The following SCAMP1 variants were observed in gnomAD, a reference collection of about 807,000 sequenced individuals.
SCAMP1 encodes the protein secretory carrier-associated membrane protein 1.
Under a neutral mutation model 41.8 loss-of-function variants are expected in SCAMP1, and 15 were observed. That is an observed-to-expected ratio of 0.36 (90% CI 0.24 to 0.55). The LOEUF is 0.55. SCAMP1 is among the 20% of genes least tolerant of loss of function. The probability of loss-of-function intolerance (pLI) is 0.86; values close to 1 mark genes in which losing one functional copy is unlikely to be tolerated. For missense variants in SCAMP1, 341 were observed against 412.6 expected, an observed-to-expected ratio of 0.83 and a Z score of 1.50; for synonymous variants, 135 against 136.8, an observed-to-expected ratio of 0.99 and a Z score of 0.09.
At chr5:78,385,382 T>A (rs918978206) in intron 1 of SCAMP1, among the ~76,000 whole-genome samples, 4 of 152,180 alleles carry the variant, frequency 2.6e-5, no homozygotes, top group African/African-American at 9.6e-5. Flanking sequence ...GTTTTATTTC[T>A]CATTTCAAAG....
At chr5:78,406,324 A>G (rs888521859) in intron 2 of SCAMP1, among the ~76,000 whole-genome samples, 2 of 152,196 alleles carry the variant, frequency 1.3e-5, no homozygotes, top group Non-Finnish European at 2.9e-5. Context: ...GTCTGTGAAT[A>G]TAAATTAAGT....
chr5:78,388,574 T>G (rs1751405317), intron 1 of SCAMP1, among the ~76,000 whole-genome samples: 2 of 152,242 alleles, frequency 1.3e-5, no homozygotes, highest in South Asian at 4.1e-4. Context: ...TAAGAGGTGG[T>G]CTACTTTTTA....
Position 78,360,689 on chromosome 5 carries a change from T to C in SCAMP1, c.18T>C (p.Ser6=). ...CCAGAGAGATGTCGGATTTCGACAG[T>C]AACCCGTTTGCCGACCCGGATCTCA... MSDFD[S]NPFADPDLNN... The change falls in exon 1 of 9, where the codon AGT becomes AGC. Residue 6 remains serine (S), a synonymous_variant. Transcript: ENST00000621999. 3.1e-6 allele frequency: 5 copies of C among 1,610,744 alleles called. No homozygotes were observed. The highest frequency in any genetic ancestry group is 4.2e-6 in the Non-Finnish European group (5 of 1,178,680).
At chr5:78,429,127 A>C (rs1421648209) in intron 6 of SCAMP1, among the ~76,000 whole-genome samples, 1 of 152,102 alleles carries the variant, frequency 6.6e-6, no homozygotes, top group East Asian at 1.9e-4. Context: ...TCTTTAATCA[A>C]TCCACCTTCC....
chr5:78,458,787 G>A (rs1375714654), intron 7 of SCAMP1, among the ~76,000 whole-genome samples: 1 of 152,150 alleles, frequency 6.6e-6, no homozygotes, highest in Non-Finnish European at 1.5e-5. Context: ...GGCTGAGGTA[G>A]GAGAATCGCT....
rs1753490424 is a variant in SCAMP1 at position 78,458,425 on chromosome 5, CCTCT to C, written c.735-819_735-816del. 3.9e-5 allele frequency among the ~76,000 whole-genome samples: 6 copies of C among 152,134 alleles called. No individual in the cohort carries two copies. The South Asian group carries it at 1.0e-3, about 26-fold the overall frequency. ...ATGTGCTTATTTGTCGTCTTTATGTCCTCTTAGTAAAATGTCTCTGCATGTCTTT... is the reference window on the plus strand; with the variant it reads ...ATGTGCTTATTTGTCGTCTTTATGTCTAGTAAAATGTCTCTGCATGTCTTT... On this transcript the variant is annotated intron_variant, in intron 7 of 8. Transcript: ENST00000621999.
In SCAMP1 at chr5:78,453,025, TG is replaced by T. The variant is rs879611690; in HGVS notation, c.734+2995del. 8.3e-3 allele frequency among the ~76,000 whole-genome samples: 1,223 copies of T among 147,652 alleles called. 1 individual carries two copies. The highest frequency in any genetic ancestry group is 0.025 in the Middle Eastern group (7 of 282). ...TTCATGTCCTTCGCCCACTTTTTGA[TG>T]GGGTTGTTTGTTTTTTTCTTGTAAA... On this transcript the variant is annotated intron_variant, in intron 7 of 8. Coordinates refer to ENST00000621999, the MANE Select transcript of SCAMP1 (RefSeq NM_004866.6).
intron 1 of SCAMP1, among the ~76,000 whole-genome samples, chr5:78,369,232 G>T (rs1386444783): frequency 3.3e-5 from 5 of 151,602 alleles, no homozygotes; most frequent in African/African-American, 1.2e-4. Flanking sequence ...TTAGCCTCCC[G>T]AGTAGCTGGG....
At chr5:78,431,534 CTTT>C (rs11380148) in intron 6 of SCAMP1, among the ~76,000 whole-genome samples, 3 of 121,244 alleles carry the variant, frequency 2.5e-5, no homozygotes, top group Non-Finnish European at 5.1e-5. Flanking sequence ...TTCTTTTTGC[CTTT>C]TTTTTTTTTT....
chr5:78,369,854 C>T (rs753695518), intron 1 of SCAMP1, among the ~76,000 whole-genome samples: 3 of 152,216 alleles, frequency 2.0e-5, no homozygotes, highest in Non-Finnish European at 4.4e-5. Flanking sequence ...CTCATGGTAG[C>T]TTACACATTT....
intron 6 of SCAMP1, among the ~76,000 whole-genome samples, chr5:78,434,928 G>A (rs1752711352): frequency 6.6e-6 from 1 of 152,138 alleles, no homozygotes; most frequent in African/African-American, 2.4e-5. Flanking sequence ...TGGATTCTGT[G>A]TGTATTCTAT....
chr5:78,377,800 A>T (rs944173073), intron 1 of SCAMP1, among the ~76,000 whole-genome samples: 2 of 152,178 alleles, frequency 1.3e-5, no homozygotes, highest in Non-Finnish European at 2.9e-5. Flanking sequence ...AGTCTTTCCC[A>T]TGTGTGGAAA....
At chr5:78,419,289 A>G (rs1168765921) in intron 5 of SCAMP1, among the ~76,000 whole-genome samples, 1 of 152,244 alleles carries the variant, frequency 6.6e-6, no homozygotes, top group African/African-American at 2.4e-5. Context: ...TGTTAAATGT[A>G]GGCGTTTTAG....
rs145906313 is a variant in SCAMP1, at chr5:78,438,025, A to G, written c.633-11908A>G. Among the ~76,000 whole-genome samples the G allele has an allele frequency of 2.1e-3, 319 of 152,182 alleles. 2 individuals carry two copies. Among genetic ancestry groups the G allele is most frequent in the African/African-American group, 7.4e-3 (309 of 41,508 alleles). On this transcript the variant is annotated intron_variant, in intron 6 of 8. Transcript: ENST00000621999. Reference sequence around the variant, plus strand: ...GTAGAGGTGTTCATAGTATTCTCTGATGGTAGTTTGTATGTCTGTAGGATC... The same window carrying G: ...GTAGAGGTGTTCATAGTATTCTCTGGTGGTAGTTTGTATGTCTGTAGGATC...
At chr5:78,442,118 G>A (rs1008612858) in intron 6 of SCAMP1, among the ~76,000 whole-genome samples, 1 of 151,978 alleles carries the variant, frequency 6.6e-6, no homozygotes, top group Non-Finnish European at 1.5e-5. Context: ...GACATAGTAA[G>A]ACCTTGTCTC....
chr5:78,441,389 C>T (rs1580698229), intron 6 of SCAMP1, among the ~76,000 whole-genome samples: 1 of 152,098 alleles, frequency 6.6e-6, no homozygotes, highest in Non-Finnish European at 1.5e-5. Flanking sequence ...TATGTTAACA[C>T]TTTATTGAAG....
intron 8 of SCAMP1, among the ~76,000 whole-genome samples, chr5:78,460,812 C>T (rs201940186): frequency 0.38 from 9,435 of 25,114 alleles, 2,431 homozygotes; most frequent in East Asian, 0.71. Flanking sequence ...TTCCTCCCTT[C>T]CTTCCTTCCT....
intron 7 of SCAMP1, among the ~76,000 whole-genome samples, chr5:78,452,147 A>C (rs1453060000): frequency 6.6e-6 from 1 of 151,804 alleles, no homozygotes; most frequent in Non-Finnish European, 1.5e-5. Flanking sequence ...GAGTGTAATT[A>C]TTGGATTATA....
chr5:78,391,683 C>G (rs1006930610), intron 2 of SCAMP1, among the ~76,000 whole-genome samples: 7 of 152,140 alleles, frequency 4.6e-5, no homozygotes, highest in African/African-American at 1.7e-4. Context: ...TGTAGCGAGC[C>G]GAGATCACGC....
Sources: allele counts gnomAD v4.1 joint callset (sites outside exome capture counted in the v4.1 genomes callset), GRCh38; gene constraint gnomAD v4.1.1; transcripts MANE v1.5; gene names NCBI Gene and HGNC (gene_info 2026-07-23, HGNC 2026-07-21).